Variants in PCDHA7 observed in about 807,000 individuals in gnomAD.
PCDHA7 encodes protocadherin alpha 7, also known as protocadherin alpha-7.
Under a neutral mutation model 57.2 loss-of-function variants are expected in PCDHA7, and 37 were observed. The observed-to-expected ratio is 0.65, with a 90% CI of 0.50 to 0.85. PCDHA7 has a LOEUF of 0.85. Ranked by LOEUF, PCDHA7 falls within the 40% of genes least tolerant of loss-of-function variation. The pLI, the probability that PCDHA7 is intolerant of heterozygous loss-of-function variation, is 0.00. For synonymous variants in PCDHA7, 553 were observed against 558.8 expected (o/e 0.99, Z 0.15); for missense variants, 1,188 against 1,241.8 (o/e 0.96, Z 0.65).
intron 1 of PCDHA7, among the ~76,000 whole-genome samples, chr5:140,948,015 C>CCTTTT (rs71276332): frequency 0.56 from 84,575 of 150,344 alleles, 24,313 homozygotes; most frequent in African/African-American, 0.69. Context: ...TAGGAAGTAC[C>CCTTTT]CTTTCTGGTT....
chr5:140,971,599 A>G (rs891227830), intron 1 of PCDHA7, among the ~76,000 whole-genome samples: 1 of 152,140 alleles, frequency 6.6e-6, no homozygotes, highest in African/African-American at 2.4e-5. Flanking sequence ...GTTACTACAG[A>G]TGGCAGGAGA....
chr5:140,927,632 C>G (rs2084445013), intron 1 of PCDHA7: 2 of 1,614,142 alleles, frequency 1.2e-6, no homozygotes, highest in Non-Finnish European at 1.7e-6. Context: ...GAGACTGCAC[C>G]CAATGGGACT....
At chr5:140,838,413 C>G (rs1304271115) in intron 1 of PCDHA7, among the ~76,000 whole-genome samples, 1 of 151,456 alleles carries the variant, frequency 6.6e-6, no homozygotes, top group East Asian at 1.9e-4. Flanking sequence ...AGTGAGCCAC[C>G]GCATCCGGCC....
At chr5:140,897,378 C>T (rs992566047) in intron 1 of PCDHA7, among the ~76,000 whole-genome samples, 8 of 144,246 alleles carry the variant, frequency 5.5e-5, no homozygotes, top group Admixed American at 4.3e-4. Context: ...GTTCCCTTCC[C>T]CTTCCTGTGT....
At chr5:140,881,638 A>G (rs1237929257) in intron 1 of PCDHA7, among the ~76,000 whole-genome samples, 1 of 152,214 alleles carries the variant, frequency 6.6e-6, no homozygotes, top group Non-Finnish European at 1.5e-5. Context: ...TCAGTTACCA[A>G]TATTTTTCAC....
At chr5:140,947,896 G>A (rs1355775996) in intron 1 of PCDHA7, among the ~76,000 whole-genome samples, 5 of 151,478 alleles carry the variant, frequency 3.3e-5, no homozygotes, top group Non-Finnish European at 7.4e-5. Context: ...AACAGAAGTG[G>A]TGAGAGCAGA....
At chr5:140,968,845 G>A in intron 1 of PCDHA7, 1 of 1,614,176 alleles carries the variant, frequency 6.2e-7, no homozygotes. Flanking sequence ...ACACTCAGAG[G>A]CATGTTAAGA....
At chr5:140,892,707 G>A (rs958500270) in intron 1 of PCDHA7, among the ~76,000 whole-genome samples, 1 of 152,136 alleles carries the variant, frequency 6.6e-6, no homozygotes, top group African/African-American at 2.4e-5. Flanking sequence ...AGGGTAATTA[G>A]CATATTCATA....
In PCDHA7 at chr5:140,923,298, C is replaced by T. The variant is rs1039610789; in HGVS notation, c.2356-55651C>T. ...TACAAAAAATTAAAAATTAGCTGGG[C>T]GTGGGGGCGCTTGGCCTAGAAGTTC... On this transcript the variant is annotated intron_variant, in intron 1 of 3. Transcript: ENST00000525929. Among the ~76,000 whole-genome samples, 28 of 152,160 alleles carry T rather than the reference C, an allele frequency of 1.8e-4. 1 individual carries two copies. The highest frequency in any genetic ancestry group is 4.8e-4 in the African/African-American group (20 of 41,504).
chr5:140,969,076 T>C, intron 1 of PCDHA7: 2 of 1,614,162 alleles, frequency 1.2e-6, no homozygotes, highest in South Asian at 2.2e-5. Flanking sequence ...GGATACCGCA[T>C]GGCCTCAAAG....
chr5:140,871,158 C>G (rs2052764728), intron 1 of PCDHA7: 20 of 1,613,444 alleles, frequency 1.2e-5, no homozygotes, highest in Non-Finnish European at 1.6e-5. Flanking sequence ...TGGCGGGCGC[C>G]GCGAGCCCAG....
At chr5:140,836,951 G>T (rs1344395357) in intron 1 of PCDHA7, 4 of 428,312 alleles carry the variant, frequency 9.3e-6, no homozygotes, top group South Asian at 5.1e-5. Context: ...AAAATCTATG[G>T]TTTATGTTGG....
rs1006692100 is a variant in PCDHA7 at position 140,968,013 on chromosome 5, G to A, written c.2356-10936G>A. Reference sequence around the variant, plus strand: ...CTGCCTTTCCGACTGAATGGCTTTGGAAACTCCTATACACTGGTGGTGAGC... The same window carrying A: ...CTGCCTTTCCGACTGAATGGCTTTGAAAACTCCTATACACTGGTGGTGAGC... On this transcript the variant is annotated intron_variant, in intron 1 of 3. Coordinates refer to ENST00000525929, the MANE Select transcript of PCDHA7 (RefSeq NM_018910.3). 2.5e-6 allele frequency: 4 copies of A among 1,614,066 alleles called. No individual in the cohort carries two copies. The African/African-American group carries it at 4.0e-5, about 16-fold the overall frequency.
intron 1 of PCDHA7, chr5:140,867,406 C>G (rs1394985393): frequency 6.6e-6 from 1 of 151,958 alleles, no homozygotes; most frequent in East Asian, 1.9e-4. Context: ...GATATGTCTC[C>G]TTTAATTTTT....
In PCDHA7 at chr5:140,843,453, T is replaced by A. The variant is rs1554140092; in HGVS notation, c.2355+6715T>A. Reference sequence around the variant, plus strand: ...GCCATCTGCGCGGTATCCAGCCTGCTGGTGCTCACGCTGCTGCTGTACACT... The same window carrying A: ...GCCATCTGCGCGGTATCCAGCCTGCAGGTGCTCACGCTGCTGCTGTACACT... On this transcript the variant is annotated intron_variant, in intron 1 of 3. Coordinates refer to ENST00000525929, the MANE Select transcript of PCDHA7 (RefSeq NM_018910.3). 5.6e-6 allele frequency: 9 copies of A among 1,596,126 alleles called. No individual in the cohort carries two copies. Among genetic ancestry groups the A allele is most frequent in the Non-Finnish European group, 7.7e-6 (9 of 1,165,636 alleles).
chr5:140,836,003 G>A lies in PCDHA7; in HGVS notation c.1620G>A (p.Ala540=), dbSNP rs1456412206. The part of the protein sequence containing the change: ...LLQFQVSARD[A]GVPPLGSNVT... ...AGTTCCAGGTGAGCGCGCGCGATGC[G>A]GGCGTGCCGCCTCTGGGCAGCAACG... The change falls in exon 1 of 4, where the codon GCG becomes GCA. Residue 540 remains alanine, a synonymous_variant. Transcript: ENST00000525929. The A allele has an allele frequency of 6.2e-7, 1 of 1,613,210 alleles. No individual in the cohort carries two copies. Among genetic ancestry groups the A allele is most frequent in the African/African-American group, 1.3e-5 (1 of 74,898 alleles).
At chr5:141,007,422 G>A (rs190866782) in intron 3 of PCDHA7, among the ~76,000 whole-genome samples, 22 of 143,640 alleles carry the variant, frequency 1.5e-4, no homozygotes, top group African/African-American at 4.9e-4. Context: ...AAAAAAATTA[G>A]CCAGGCATGG....
In PCDHA7 at chr5:140,982,572, C is replaced by T; in HGVS notation, c.2503+9C>T. On this transcript the variant is annotated intron_variant, in intron 3 of 3. Coordinates refer to ENST00000525929, the MANE Select transcript of PCDHA7 (RefSeq NM_018910.3). ...ATCCAGTGCAACACCAGGTAAAGAG[C>T]TGGGGTCTCTCCATTCTTTCTTGGT... is the stretch of plus-strand genomic sequence containing the variant. 4 of 1,613,760 alleles carry T rather than the reference C, an allele frequency of 2.5e-6. No homozygotes were observed. Among genetic ancestry groups the T allele is most frequent in the Non-Finnish European group, 3.4e-6 (4 of 1,179,726 alleles).
At chr5:140,902,575 T>A (rs1200474088) in intron 1 of PCDHA7, among the ~76,000 whole-genome samples, 1 of 152,082 alleles carries the variant, frequency 6.6e-6, no homozygotes, top group Non-Finnish European at 1.5e-5. Flanking sequence ...TTTTTAAGAT[T>A]TCAATAGTTT....
Sources: gnomAD v4.1 joint callset for allele counts (sites outside exome capture counted in the v4.1 genomes callset) on GRCh38, gnomAD v4.1.1 for gene constraint, MANE v1.5 for transcripts, NCBI Gene and HGNC (gene_info 2026-07-23, HGNC 2026-07-21) for gene names.